Variants in PRKN observed in about 807,000 individuals in gnomAD.
The protein encoded by PRKN is parkin RBR E3 ubiquitin protein ligase.
In PRKN, 56 loss-of-function variants were observed where a neutral mutation model predicts 59.5. The ratio of observed to expected loss-of-function variants is 0.94; its 90% CI spans 0.76 to 1.18. The LOEUF (loss-of-function observed/expected upper bound fraction) is 1.18, where lower values mean the gene tolerates loss of function less well. Among genes scored for constraint, PRKN ranks in the 50% most tolerant of loss-of-function variants. PRKN has a pLI of 0.00. For missense variants in PRKN, 657 were observed against 596.4 expected (o/e 1.10, Z -1.06); for synonymous variants, 250 against 222.1 (o/e 1.13, Z -1.12).
chr6:162,122,919 T>C (rs547034806), intron 4 of PRKN, among the ~76,000 whole-genome samples: 4 of 152,140 alleles, frequency 2.6e-5, no homozygotes, highest in African/African-American at 9.6e-5. Flanking sequence ...GAATGTTTCA[T>C]TCGTGTCTTC....
chr6:162,492,956 C>CAAAAAAAAAAAAAAAAAAAAAA (rs34716532), intron 1 of PRKN, among the ~76,000 whole-genome samples: 1 of 110,348 alleles, frequency 9.1e-6, no homozygotes, highest in African/African-American at 3.4e-5. Context: ...TTGTCTCAAA[C>CAAAAAAAAAAAAAAAAAAAAAA]AAAAAAAAAA....
intron 1 of PRKN, among the ~76,000 whole-genome samples, chr6:162,551,962 G>A (rs1432092840): frequency 6.6e-6 from 1 of 152,090 alleles, no homozygotes; most frequent in Non-Finnish European, 1.5e-5. Flanking sequence ...AAAATGCTAG[G>A]GAGGAAATAA....
At chr6:161,880,778 G>A (rs1794905964) in intron 6 of PRKN, among the ~76,000 whole-genome samples, 1 of 152,100 alleles carries the variant, frequency 6.6e-6, no homozygotes, top group African/African-American at 2.4e-5. Flanking sequence ...AGAGTCGGTG[G>A]TGACCCGGGA....
At chr6:162,639,380 C>T (rs1165643755) in intron 1 of PRKN, among the ~76,000 whole-genome samples, 1 of 151,964 alleles carries the variant, frequency 6.6e-6, no homozygotes, top group Non-Finnish European at 1.5e-5. Context: ...AATGAGGAAG[C>T]CAGTAAGATG....
intron 4 of PRKN, among the ~76,000 whole-genome samples, chr6:162,112,746 T>C (rs1228990409): frequency 6.6e-6 from 1 of 151,616 alleles, no homozygotes; most frequent in African/African-American, 2.4e-5. Context: ...CAAGATCAGC[T>C]TCAGAAACAT....
intron 4 of PRKN, among the ~76,000 whole-genome samples, chr6:162,145,980 T>A (rs1173537139): frequency 6.6e-6 from 1 of 152,238 alleles, no homozygotes; most frequent in Non-Finnish European, 1.5e-5. Flanking sequence ...TATGCAAACG[T>A]ACTTTCAATT....
At chr6:161,836,366 C>T (rs1486280502) in intron 6 of PRKN, among the ~76,000 whole-genome samples, 1 of 152,194 alleles carries the variant, frequency 6.6e-6, no homozygotes, top group Non-Finnish European at 1.5e-5. Flanking sequence ...AGATCCCTGG[C>T]TCTGGATGAG....
chr6:161,514,629 C>T (rs1376167170), intron 9 of PRKN, among the ~76,000 whole-genome samples: 2 of 151,930 alleles, frequency 1.3e-5, no homozygotes, highest in African/African-American at 4.8e-5. Flanking sequence ...GGGGAGGAAA[C>T]TGGAGTTGGG....
At chr6:161,750,494 G>A (rs777069993) in intron 7 of PRKN, among the ~76,000 whole-genome samples, 5 of 152,108 alleles carry the variant, frequency 3.3e-5, no homozygotes, top group African/African-American at 4.8e-5. Context: ...TTGGCCAGGT[G>A]TGGTGGCTCA....
At chr6:162,491,616 C>T (rs147543849) in intron 1 of PRKN, among the ~76,000 whole-genome samples, 12 of 152,294 alleles carry the variant, frequency 7.9e-5, no homozygotes, top group East Asian at 5.8e-4. Context: ...CTTAGCCATC[C>T]GGCTCATACA....
chr6:161,980,388 C>T (rs1218679859), intron 5 of PRKN, among the ~76,000 whole-genome samples: 3 of 152,148 alleles, frequency 2.0e-5, no homozygotes, highest in South Asian at 2.1e-4. Context: ...AGGGTTTGTA[C>T]TTAACACGTA....
At chr6:162,486,772 T>C (rs190889576) in intron 1 of PRKN, among the ~76,000 whole-genome samples, 2 of 152,234 alleles carry the variant, frequency 1.3e-5, no homozygotes, top group Admixed American at 6.5e-5. Flanking sequence ...AGTACTCTCA[T>C]ATAAAAGTAG....
intron 9 of PRKN, among the ~76,000 whole-genome samples, chr6:161,516,511 A>AAG (rs1554270366): frequency 3.5e-5 from 5 of 143,668 alleles, no homozygotes; most frequent in Middle Eastern, 3.7e-3. Flanking sequence ...AAGAAAGAAG[A>AAG]AAGAAGAAGA....
intron 2 of PRKN, among the ~76,000 whole-genome samples, chr6:162,266,053 C>T (rs893078574): frequency 2.3e-4 from 35 of 152,152 alleles, no homozygotes; most frequent in African/African-American, 8.4e-4. Flanking sequence ...CGAGTATACT[C>T]AAGGACTTGC....
At chr6:162,716,276 A>G (rs1378985887) in intron 1 of PRKN, among the ~76,000 whole-genome samples, 1 of 152,254 alleles carries the variant, frequency 6.6e-6, no homozygotes. Context: ...GTTTCTGTTA[A>G]AACTGCCTCA....
intron 9 of PRKN, among the ~76,000 whole-genome samples, chr6:161,389,476 C>T (rs1473203540): frequency 1.3e-5 from 2 of 152,154 alleles, no homozygotes; most frequent in African/African-American, 2.4e-5. Flanking sequence ...GGTGGGACAG[C>T]GTGTGTGCAT....
intron 6 of PRKN, among the ~76,000 whole-genome samples, chr6:161,869,236 G>A (rs767934437): frequency 2.1e-4 from 32 of 152,046 alleles, no homozygotes; most frequent in Non-Finnish European, 3.4e-4. Flanking sequence ...AAAATCAGTT[G>A]AGCGTGGTGG....
chr6:161,696,678 T>G (rs541957594), intron 7 of PRKN, among the ~76,000 whole-genome samples: 196 of 152,334 alleles, frequency 1.3e-3, no homozygotes, highest in Non-Finnish European at 2.0e-3. Context: ...AATCAGTGCA[T>G]TTCAAGTATC....
At chr6:161,493,212 C>A (rs1777622817) in intron 9 of PRKN, among the ~76,000 whole-genome samples, 1 of 152,180 alleles carries the variant, frequency 6.6e-6, no homozygotes, top group Non-Finnish European at 1.5e-5. Context: ...GTGTCTGGCA[C>A]ACATGTAATA....
Sources: allele counts gnomAD v4.1 joint callset (sites outside exome capture counted in the v4.1 genomes callset), GRCh38; gene constraint gnomAD v4.1.1; transcripts MANE v1.5; gene names NCBI Gene and HGNC (gene_info 2026-07-23, HGNC 2026-07-21).